Variants in QKI observed in about 807,000 individuals in gnomAD.
The protein encoded by QKI is KH domain-containing RNA-binding protein QKI.
A neutral mutation model predicts 39.0 loss-of-function variants in QKI; 10 were observed. That is an observed-to-expected ratio of 0.26 (90% CI 0.16 to 0.43). The LOEUF is 0.43. Among genes scored for constraint, QKI ranks in the 20% least tolerant of loss-of-function variants. The pLI is 1.00. For synonymous variants in QKI, 204 were observed against 155.4 expected (o/e 1.31, Z -2.33); for missense variants, 218 against 428.0 (o/e 0.51, Z 4.33).
chr6:163,471,415 A>G lies in QKI; in HGVS notation c.286-7365A>G, dbSNP rs558218033. ...AATAAAGAGCAACAAAAATGGTAAA[A>G]TTGTTGATAAACCTAAATGCATATT... On this transcript the variant is annotated intron_variant, in intron 2 of 7. Transcript: ENST00000361752. 1.1e-4 allele frequency among the ~76,000 whole-genome samples: 16 copies of G among 152,290 alleles called. No individual in the cohort carries two copies. In the East Asian group the frequency reaches 2.9e-3, roughly 28 times the overall value.
intron 3 of QKI, among the ~76,000 whole-genome samples, chr6:163,524,817 C>G (rs1169729732): frequency 6.6e-6 from 1 of 152,080 alleles, no homozygotes; most frequent in African/African-American, 2.4e-5. Flanking sequence ...CTGTCCATAC[C>G]ATATTTACAT....
At position 163,504,351 on chromosome 6, in the gene QKI, G is replaced by C. The variant is rs181665700; in HGVS notation, c.402+25455G>C. 2.3e-4 allele frequency among the ~76,000 whole-genome samples: 35 copies of C among 152,122 alleles called. No individual in the cohort carries two copies. The East Asian group carries it at 6.0e-3, about 26-fold the overall frequency. ...GCTTTTCCTATTTGGGCTCTTTTTT[G>C]GTTACATGTGAATTTTAAAATAGTT... On this transcript the variant is annotated intron_variant, in intron 3 of 7. Transcript: ENST00000361752.
At chr6:163,419,389 C>G (rs954421230) in intron 1 of QKI, among the ~76,000 whole-genome samples, 1 of 151,880 alleles carries the variant, frequency 6.6e-6, no homozygotes, top group Admixed American at 6.6e-5. Flanking sequence ...TCTTGCTATA[C>G]AGATTTCTTA....
chr6:163,512,196 G>T (rs1236191587), intron 3 of QKI, among the ~76,000 whole-genome samples: 3 of 151,884 alleles, frequency 2.0e-5, no homozygotes, highest in African/African-American at 7.2e-5. Context: ...TCCTCAGTTT[G>T]ATAAATTCGC....
intron 2 of QKI, among the ~76,000 whole-genome samples, chr6:163,456,573 CTT>C (rs1790933152): frequency 6.6e-6 from 1 of 152,010 alleles, no homozygotes; most frequent in African/African-American, 2.4e-5. Context: ...TGAGAAATGT[CTT>C]AAGTTGAATT....
chr6:163,468,908 G>GT (rs112871082), intron 2 of QKI, among the ~76,000 whole-genome samples: 5,132 of 146,792 alleles, frequency 0.035, 200 homozygotes, highest in African/African-American at 0.1. Flanking sequence ...GCTGTGATTA[G>GT]TTTTTTTTTT....
chr6:163,422,748 C>T (rs1280739517), intron 1 of QKI, among the ~76,000 whole-genome samples: 1 of 152,024 alleles, frequency 6.6e-6, no homozygotes, highest in African/African-American at 2.4e-5. Context: ...TGGTTAAGTT[C>T]CAGCTGAGAA....
In QKI at chr6:163,574,355, G is replaced by T. The variant is rs1783861749; in HGVS notation, c.*3645G>T. On this transcript the variant is annotated 3_prime_UTR_variant, in exon 8 of 8. Transcript: ENST00000361752. ...TGACCTTTTTCCTTTGGAAAGCGTT[G>T]AACTTGTTTAGCTAACTACTCCTAT... The T allele has an allele frequency of 1.3e-5, 2 of 152,082 alleles. No homozygotes were observed. The highest frequency in any genetic ancestry group is 2.9e-5 in the Non-Finnish European group (2 of 68,018). 9.4% of individuals were successfully genotyped at this position (152,082 alleles called of 1,614,324 possible).
rs772401666 is a variant in QKI at position 163,563,458 on chromosome 6, G to C, written c.673G>C (p.Ala225Pro). 7 of 1,613,608 alleles carry C rather than the reference G, an allele frequency of 4.3e-6. No homozygotes were observed. In the Admixed American group the frequency reaches 5.0e-5, roughly 12 times the overall value. The change falls in exon 6 of 8, where the codon GCT becomes CCT. Residue 225 changes from alanine to proline, a missense_variant. Physicochemically the swap from Ala to Pro is conservative, Grantham distance 27. Transcript: ENST00000361752. ...AFSLAATAQA[A>P]PRIITGPAPV... ...TTCTCTTGCAGCAACAGCCCAGGCT[G>C]CTCCAAGGATCATTACTGGGCCTGC...
At chr6:163,569,849 A>T (rs1188686175) in intron 7 of QKI, 1 of 986,866 alleles carries the variant, frequency 1.0e-6, no homozygotes, top group African/African-American at 1.7e-5. Flanking sequence ...TCAATTAGAA[A>T]TTTCTTCTAT....
At chr6:163,520,750 T>A (rs775749595) in intron 3 of QKI, among the ~76,000 whole-genome samples, 2 of 152,202 alleles carry the variant, frequency 1.3e-5, no homozygotes, top group Admixed American at 1.3e-4. Context: ...TGAAAATAAT[T>A]CAGTATCTTC....
intron 1 of QKI, among the ~76,000 whole-genome samples, chr6:163,422,387 A>C (rs1053701265): frequency 2.0e-5 from 3 of 152,210 alleles, no homozygotes; most frequent in Non-Finnish European, 2.9e-5. Flanking sequence ...TATAAGCAGA[A>C]TGTGTCATAT....
intron 3 of QKI, among the ~76,000 whole-genome samples, chr6:163,509,578 A>G (rs1343385411): frequency 6.6e-6 from 1 of 152,142 alleles, no homozygotes; most frequent in Non-Finnish European, 1.5e-5. Flanking sequence ...GTGAAACAGT[A>G]TAATATTGAT....
intron 2 of QKI, among the ~76,000 whole-genome samples, chr6:163,465,456 G>C (rs866662760): frequency 1.1e-4 from 16 of 151,652 alleles, no homozygotes; most frequent in Middle Eastern, 6.8e-3. Flanking sequence ...ATGAAACCCT[G>C]TCTCTACTAA....
At chr6:163,478,999 T>A (rs1792848929) in intron 3 of QKI, 103 bp downstream of exon 3, 1 of 1,010,176 alleles carries the variant, frequency 9.9e-7, no homozygotes, top group Admixed American at 2.4e-5. Context: ...AAACACTATA[T>A]TCCAGGCCGG....
chr6:163,511,858 C>A (rs1583133928), intron 3 of QKI, among the ~76,000 whole-genome samples: 1 of 151,858 alleles, frequency 6.6e-6, no homozygotes, highest in Non-Finnish European at 1.5e-5. Context: ...AAATTGGTAA[C>A]TACCATTGTT....
At chr6:163,536,946 T>G (rs1781244670) in intron 4 of QKI, among the ~76,000 whole-genome samples, 1 of 152,194 alleles carries the variant, frequency 6.6e-6, no homozygotes, top group Non-Finnish European at 1.5e-5. Flanking sequence ...TGGTGACTCA[T>G]GCCTATAATC....
intron 1 of QKI, among the ~76,000 whole-genome samples, chr6:163,430,211 C>G (rs995142029): frequency 1.2e-4 from 18 of 152,058 alleles, no homozygotes; most frequent in African/African-American, 4.1e-4. Context: ...CTCCATATTT[C>G]TGTTTTTAGT....
intron 3 of QKI, among the ~76,000 whole-genome samples, chr6:163,534,762 A>T (rs1405479285): frequency 1.3e-5 from 2 of 152,210 alleles, no homozygotes; most frequent in African/African-American, 4.8e-5. Flanking sequence ...GGTAGATAGT[A>T]AGTGCTCAGT....
Sources: gnomAD v4.1 joint callset for allele counts (sites outside exome capture counted in the v4.1 genomes callset) on GRCh38, gnomAD v4.1.1 for gene constraint, MANE v1.5 for transcripts, NCBI Gene and HGNC (gene_info 2026-07-23, HGNC 2026-07-21) for gene names.